Variants in POLR3F observed in about 807,000 individuals in gnomAD.
POLR3F encodes the protein RNA polymerase III subunit F.
A neutral mutation model predicts 43.6 loss-of-function variants in POLR3F; 31 were observed. That is an observed-to-expected ratio of 0.71 (90% confidence interval 0.53 to 0.96). The LOEUF (loss-of-function observed/expected upper bound fraction) is 0.96. Among genes scored for constraint, POLR3F ranks in the 40% least tolerant of loss-of-function variants. The probability of loss-of-function intolerance (pLI) is 0.00; values close to 1 mark genes in which losing one functional copy is unlikely to be tolerated. For synonymous variants in POLR3F, 114 were observed against 132.5 expected, an observed-to-expected ratio of 0.86 and a Z score of 0.96; for missense variants, 316 against 391.7, an observed-to-expected ratio of 0.81 and a Z score of 1.63.
intron 2 of POLR3F, among the ~76,000 whole-genome samples, chr20:18,471,308 C>CG (rs2059749052): frequency 6.6e-6 from 1 of 152,296 alleles, no homozygotes; most frequent in East Asian, 1.9e-4. Context: ...TTACAGATGA[C>CG]TAACGCATTA....
intron 2 of POLR3F, 48 bp from the exon 3 acceptor site, chr20:18,472,794 A>G (rs1187160595): frequency 9.9e-6 from 8 of 805,036 alleles, no homozygotes; most frequent in Non-Finnish European, 1.7e-5. Context: ...TTGATTTAAC[A>G]TATCTCCAAA....
chr20:18,468,465 T>C (rs1455090286), intron 1 of POLR3F, among the ~76,000 whole-genome samples: 1 of 152,228 alleles, frequency 6.6e-6, no homozygotes, highest in African/African-American at 2.4e-5. Context: ...GAATAATACA[T>C]TTGTTGATGT....
chr20:18,467,440 G>T lies in POLR3F; in HGVS notation c.-67G>T, dbSNP rs1828318213. 6.4e-7 allele frequency: 1 copy of T among 1,574,446 alleles called. No homozygotes were observed. The highest frequency in any genetic ancestry group is 1.3e-5 in the African/African-American group (1 of 74,162). ...AGCGCTATCCTCCACTGGTTCCCCGGGTTCCCCGGCTTGCTACCGGGCTGC... is the reference window on the plus strand; with the variant it reads ...AGCGCTATCCTCCACTGGTTCCCCGTGTTCCCCGGCTTGCTACCGGGCTGC... On this transcript the variant is annotated 5_prime_UTR_variant, in exon 1 of 9. Transcript: ENST00000377603.
rs553574287 is a variant in POLR3F, at chr20:18,483,516, A to G, written c.909A>G (p.Ser303=). The part of the protein sequence containing the change: ...FDDCHEGGEI[S]PSNCIYMTEW... ...ACTGCCACGAAGGTGGTGAGATTTCACCATCTAACTGTATTTACATGACAG... is the reference window on the plus strand; with the variant it reads ...ACTGCCACGAAGGTGGTGAGATTTCGCCATCTAACTGTATTTACATGACAG... The change falls in exon 9 of 9, where the codon TCA becomes TCG. Residue 303 remains serine (S), a synonymous_variant. Coordinates refer to ENST00000377603, the MANE Select transcript of POLR3F (RefSeq NM_006466.4). 2.6e-6 allele frequency: 4 copies of G among 1,539,202 alleles called. No individual in the cohort carries two copies. The South Asian group carries it at 3.7e-5, about 14-fold the overall frequency.
At chr20:18,480,321 G>T in intron 6 of POLR3F, 81 bp from the exon 7 acceptor site, 1 of 1,231,056 alleles carries the variant, frequency 8.1e-7, no homozygotes, top group Non-Finnish European at 1.2e-6. Context: ...ATGTTCTGTT[G>T]TTGGTTTGAC....
rs748799958 is a variant in POLR3F at position 18,483,511 on chromosome 20, A to C, written c.904A>C (p.Ile302Leu). The stretch of plus-strand genomic sequence containing the variant: ...TGATGACTGCCACGAAGGTGGTGAG[A>C]TTTCACCATCTAACTGTATTTACAT... Reference protein sequence around the residue: ...VFDDCHEGGEISPSNCIYMTE... With the variant: ...VFDDCHEGGELSPSNCIYMTE... The change falls in exon 9 of 9, where the codon ATT becomes CTT. Residue 302 changes from isoleucine (I) to leucine (L), a missense_variant. By Grantham distance (5) the Ile-to-Leu change is conservative. Around this residue, in one of 3 missense-constraint regions of POLR3F, gnomAD observed 85 missense variants for 80.2 expected, o/e 1.06. Transcript: ENST00000377603. 1.3e-6 allele frequency: 2 copies of C among 1,536,648 alleles called. No homozygotes were observed. Among genetic ancestry groups the C allele is most frequent in the South Asian group, 1.2e-5 (1 of 81,718 alleles).
rs1339261207 is a variant in POLR3F, at chr20:18,483,511, AT to A, written c.907del (p.Ser303HisfsTer8). ...VFDDCHEGGE[I>X]SPSNCIYMTE... ...TGATGACTGCCACGAAGGTGGTGAGATTTCACCATCTAACTGTATTTACATG... is the reference window on the plus strand; with the variant it reads ...TGATGACTGCCACGAAGGTGGTGAGATTCACCATCTAACTGTATTTACATG... On this transcript the variant is annotated frameshift_variant, in exon 9 of 9. Coordinates refer to ENST00000377603, the MANE Select transcript of POLR3F (RefSeq NM_006466.4). LOFTEE classifies it high-confidence loss of function. 2.0e-6 allele frequency: 3 copies of A among 1,536,530 alleles called. No homozygotes were observed. The highest frequency in any genetic ancestry group is 2.7e-6 in the Non-Finnish European group (3 of 1,128,712).
intron 2 of POLR3F, 74 bp downstream of exon 2, chr20:18,469,135 T>C (rs2148859813): frequency 2.6e-6 from 2 of 770,068 alleles, no homozygotes; most frequent in African/African-American, 1.7e-5. Flanking sequence ...GTAGTTGTGA[T>C]GGTTAATTTC....
rs2059760735 is a variant in POLR3F at position 18,472,864 on chromosome 20, G to A, written c.203G>A (p.Ser68Asn). 6.6e-7 allele frequency: 1 copy of A among 1,504,646 alleles called. No homozygotes were observed. The highest frequency in any genetic ancestry group is 2.4e-5 in the East Asian group (1 of 42,448). The allele number at this position is 1,504,646 out of a possible 1,614,324, so 93.2% of individuals were successfully genotyped here. A position where few individuals can be genotyped will look rare whatever the true frequency, so the allele number is the denominator to read the frequency against. Residue 68 changes from serine (S) to asparagine (N), a missense_variant, in exon 3 of 9, where the codon AGC becomes AAC. Ser to Asn is a conservative substitution (Grantham distance 46, BLOSUM62 1). This residue lies in a region of POLR3F where 122 missense variants were observed against 133.8 expected (regional missense o/e 0.91). Coordinates refer to ENST00000377603, the MANE Select transcript of POLR3F (RefSeq NM_006466.4). ...LSMGQLDLLR[S>N]NTGLLYRIKD... Reference sequence around the variant, plus strand: ...TAGGGTCAGTTGGATCTCTTAAGGAGCAATACGGGCCTTTTATATAGAATA... The same window carrying A: ...TAGGGTCAGTTGGATCTCTTAAGGAACAATACGGGCCTTTTATATAGAATA...
At chr20:18,475,474 C>T (rs1469462135) in intron 5 of POLR3F, among the ~76,000 whole-genome samples, 2 of 152,076 alleles carry the variant, frequency 1.3e-5, no homozygotes, top group Admixed American at 6.6e-5. Context: ...TACTTTATCC[C>T]GACATATTAG....
Position 18,483,783 on chromosome 20 carries a change from C to T in POLR3F, c.*225C>T. On this transcript the variant is annotated 3_prime_UTR_variant, in exon 9 of 9. Transcript: ENST00000377603. ...AATAAGGTTAGTAGTGAAATTCATT[C>T]TTCAATAAATAAAACACTTTGAAAC... The T allele has an allele frequency of 5.0e-6, 2 of 401,088 alleles. No individual in the cohort carries two copies. The highest frequency in any genetic ancestry group is 4.4e-6 in the Non-Finnish European group (1 of 228,906). The allele number at this position is 401,088 out of a possible 1,614,324, so 24.8% of individuals were successfully genotyped here. A position where few individuals can be genotyped will look rare whatever the true frequency, so the allele number is the denominator to read the frequency against.
chr20:18,481,900 A>C, intron 8 of POLR3F, 90 bp downstream of exon 8: 1 of 786,240 alleles, frequency 1.3e-6, no homozygotes, highest in Non-Finnish European at 2.1e-6. Context: ...CAGTTTTCTC[A>C]GACTCTTAGG....
chr20:18,480,217 T>G, intron 6 of POLR3F, 36 bp downstream of exon 6: 1 of 1,567,074 alleles, frequency 6.4e-7, no homozygotes, highest in Non-Finnish European at 8.7e-7. Flanking sequence ...CTGCAAACCC[T>G]CTTGTAAAAA....
intron 1 of POLR3F, chr20:18,467,772 T>A: frequency 9.6e-7 from 1 of 1,046,874 alleles, no homozygotes; most frequent in Admixed American, 2.9e-5. Context: ...TTTGACAGCT[T>A]GCAACTTTGT....
chr20:18,479,233 T>C (rs1406979889), intron 5 of POLR3F, among the ~76,000 whole-genome samples: 1 of 152,010 alleles, frequency 6.6e-6, no homozygotes, highest in African/African-American at 2.4e-5. Context: ...CGGGGGCTCA[T>C]GCCTGTAATC....
At chr20:18,478,133 A>T (rs2059790079) in intron 5 of POLR3F, among the ~76,000 whole-genome samples, 1 of 152,224 alleles carries the variant, frequency 6.6e-6, no homozygotes, top group African/African-American at 2.4e-5. Flanking sequence ...GGGATTCACC[A>T]TGAATAACAA....
chr20:18,484,484 C>T lies in POLR3F; in HGVS notation c.*926C>T, dbSNP rs560070831. 36 of 202,398 alleles carry T rather than the reference C, an allele frequency of 1.8e-4. 1 individual carries two copies. The South Asian group carries it at 6.7e-3, about 37-fold the overall frequency. 12.5% of individuals were successfully genotyped at this position (202,398 alleles called of 1,614,324 possible). On this transcript the variant is annotated 3_prime_UTR_variant, in exon 9 of 9. Coordinates refer to ENST00000377603, the MANE Select transcript of POLR3F (RefSeq NM_006466.4). Reference sequence around the variant, plus strand: ...GGATTAGTGCCCTTATATAAAGAGACCCAGAGAGCTCCATCACCCCTTCTG... The same window carrying T: ...GGATTAGTGCCCTTATATAAAGAGATCCAGAGAGCTCCATCACCCCTTCTG...
chr20:18,476,800 T>C (rs1057020333), intron 5 of POLR3F, among the ~76,000 whole-genome samples: 1 of 152,010 alleles, frequency 6.6e-6, no homozygotes, highest in Non-Finnish European at 1.5e-5. Context: ...TACAAAGAAC[T>C]CCTAAAATTC....
chr20:18,483,237 G>A (rs959465797), intron 8 of POLR3F, among the ~76,000 whole-genome samples: 27 of 152,226 alleles, frequency 1.8e-4, no homozygotes, highest in African/African-American at 6.0e-4. Context: ...GCTAATTTTT[G>A]TATTCTTAGT....
Sources: gnomAD v4.1 joint callset for allele counts (sites outside exome capture counted in the v4.1 genomes callset) on GRCh38, gnomAD v4.1.1 for gene constraint, gnomAD v4.1.1 regional missense constraint, MANE v1.5 for transcripts, NCBI Gene and HGNC (gene_info 2026-07-23, HGNC 2026-07-21) for gene names.